The following NDUFA11 variants were observed in gnomAD, a reference collection of about 807,000 sequenced individuals.
NDUFA11 encodes NADH dehydrogenase [ubiquinone] 1 alpha subcomplex subunit 11.
Under a neutral mutation model 11.3 loss-of-function variants are expected in NDUFA11, and 14 were observed. The ratio of observed to expected loss-of-function variants is 1.24; its 90% CI spans 0.82 to 1.94. NDUFA11 has a LOEUF of 1.94. Ranked by LOEUF, NDUFA11 falls within the 30% of genes most tolerant of loss-of-function variation. The probability of loss-of-function intolerance (pLI) is 0.00; values close to 1 mark genes in which losing one functional copy is unlikely to be tolerated. For missense variants in NDUFA11, 204 were observed against 200.3 expected (o/e 1.02, Z -0.11); for synonymous variants, 87 against 85.6 (o/e 1.02, Z -0.09).
At chr19:5,901,812 G>A (rs1267446826) in intron 1 of NDUFA11, among the ~76,000 whole-genome samples, 2 of 151,664 alleles carry the variant, frequency 1.3e-5, no homozygotes, top group Admixed American at 1.3e-4. Flanking sequence ...TGGGACTACA[G>A]GTGTCCACCA....
chr19:5,894,621 A>G (rs1360504259), downstream of NDUFA11: 1 of 1,537,330 alleles, frequency 6.5e-7, no homozygotes, highest in East Asian at 2.4e-5. Context: ...TCCCTCCCAG[A>G]TCCGCCCTCA....
chr19:5,901,326 G>A (rs772828892), intron 1 of NDUFA11: 31 of 1,281,814 alleles, frequency 2.4e-5, no homozygotes, highest in South Asian at 2.1e-4. Context: ...GAAGACCCTC[G>A]ATAAGGACCT....
chr19:5,900,618 T>G (rs2144958654), intron 1 of NDUFA11, among the ~76,000 whole-genome samples: 1 of 152,250 alleles, frequency 6.6e-6, no homozygotes, highest in Middle Eastern at 3.4e-3. Context: ...AGCTGGTCAC[T>G]GAAGAATTTA....
intron 1 of NDUFA11, among the ~76,000 whole-genome samples, chr19:5,902,188 G>T (rs538798570): frequency 7.9e-4 from 120 of 151,982 alleles, no homozygotes; most frequent in African/African-American, 2.6e-3. Flanking sequence ...TGTTAGCCAG[G>T]ATGGTCTCAA....
rs188584533 is a variant in NDUFA11 at position 5,901,846 on chromosome 19, T to G, written c.97+1766A>C. Among the ~76,000 whole-genome samples the G allele has an allele frequency of 4.6e-3, 703 of 151,902 alleles. 6 individuals are homozygous for G. Among genetic ancestry groups the G allele is most frequent in the Non-Finnish European group, 8.8e-3 (601 of 67,956 alleles). On this transcript the variant is annotated intron_variant, in intron 1 of 3. Coordinates refer to ENST00000308961, the MANE Select transcript of NDUFA11 (RefSeq NM_175614.5). ...CACCACGCCCGGCTAATTTTTTTTGTATTTTTAGTAGAGACGGGTTTTCAC... is the reference window on the plus strand; with the variant it reads ...CACCACGCCCGGCTAATTTTTTTTGGATTTTTAGTAGAGACGGGTTTTCAC...
downstream of NDUFA11, chr19:5,892,825 G>A (rs2057585745): frequency 2.9e-6 from 4 of 1,361,576 alleles, no homozygotes; most frequent in South Asian, 7.7e-5. Flanking sequence ...TTTCTTTGTG[G>A]GGCATCTCTG....
downstream of NDUFA11, chr19:5,891,683 T>A (rs575949492): frequency 6.6e-6 from 1 of 152,486 alleles, no homozygotes. Flanking sequence ...GATCGCCCAC[T>A]GCTCTCCCTC....
In NDUFA11 at chr19:5,896,967, A is replaced by C; in HGVS notation, c.128T>G (p.Leu43Arg). 6.2e-7 allele frequency: 1 copy of C among 1,614,098 alleles called. No homozygotes were observed. Among genetic ancestry groups the C allele is most frequent in the Non-Finnish European group, 8.5e-7 (1 of 1,180,022 alleles). Residue 43 changes from leucine to arginine, a missense_variant, in exon 2 of 4, where the codon CTC (leucine) becomes CGC (arginine). By Grantham distance (102) the Leu-to-Arg change is moderately radical. Transcript: ENST00000308961. The surrounding 1 kb of genome is among the most constrained non-coding windows in gnomAD (Gnocchi z 5.8). Reference sequence around the variant, plus strand: ...TTCAAGGAAGGTGCCCGGAGGATTGAGTGTGACTCTGTAGGCAGCGGCGGT... The same window carrying C: ...TTCAAGGAAGGTGCCCGGAGGATTGCGTGTGACTCTGTAGGCAGCGGCGGT... ...GLTAAAYRVT[L>R]NPPGTFLEGV...
Position 5,895,982 on chromosome 19 carries a change from T to A in NDUFA11, c.313+471A>T, listed in dbSNP as rs143044664. 1.4e-3 allele frequency: 333 copies of A among 234,044 alleles called. 6 individuals are homozygous for A. In the East Asian group the frequency reaches 0.026, roughly 18 times the overall value. 14.5% of individuals were successfully genotyped at this position (234,044 alleles called of 1,614,324 possible). A position where few individuals can be genotyped will look rare whatever the true frequency, so the allele number is the denominator to read the frequency against. On this transcript the variant is annotated intron_variant, in intron 3 of 3. Coordinates refer to ENST00000308961, the MANE Select transcript of NDUFA11 (RefSeq NM_175614.5). The stretch of plus-strand genomic sequence containing the variant: ...TGGCAGGGCGAGACTCCATCCATCC[T>A]CCTCTCTGACTCACAGGCCAGTGGC...
chr19:5,894,444 G>A (rs543139416), downstream of NDUFA11, among the ~76,000 whole-genome samples: 1 of 152,288 alleles, frequency 6.6e-6, no homozygotes, highest in East Asian at 1.9e-4. Context: ...GGGAACTGGG[G>A]GAAGCAGAGG....
In NDUFA11 at chr19:5,896,645, C is replaced by T. The variant is rs537928502; in HGVS notation, c.191-70G>A. The T allele has an allele frequency of 6.5e-7, 1 of 1,548,574 alleles. No individual in the cohort carries two copies. Among genetic ancestry groups the T allele is most frequent in the South Asian group, 1.2e-5 (1 of 84,290 alleles). ...CAGGAGCCTCTTGGGCGCTCACTGC[C>T]AGTGTCTGGATGGAGAGAGATGCCA... On this transcript the variant is annotated intron_variant, in intron 2 of 3. Transcript: ENST00000308961. This position sits in a 1 kb window ranked among gnomAD's most constrained non-coding sequence, Gnocchi z 5.8.
chr19:5,894,553 A>ACGGCAGG (rs1237540383), downstream of NDUFA11: 1 of 1,223,174 alleles, frequency 8.2e-7, no homozygotes, highest in Non-Finnish European at 1.1e-6. Flanking sequence ...CTTGGCAGGG[A>ACGGCAGG]CGGCAGGCGG....
chr19:5,897,455 C>A (rs1183936894), intron 1 of NDUFA11, among the ~76,000 whole-genome samples: 1 of 152,180 alleles, frequency 6.6e-6, no homozygotes, highest in Admixed American at 6.5e-5. Context: ...AGGTTCCCAT[C>A]AATGGCTCTA....
Position 5,896,117 on chromosome 19 carries a change from G to C in NDUFA11, c.313+336C>G. ...GCTGGCTTGTACACAGGGTGGTCAG[G>C]ACAGTGAGGGGAACAGCATTCCACG... On this transcript the variant is annotated intron_variant, in intron 3 of 3. Transcript: ENST00000308961. The surrounding 1 kb of genome is among the most constrained non-coding windows in gnomAD (Gnocchi z 5.8). 1 of 555,012 alleles carries C rather than the reference G, an allele frequency of 1.8e-6. No individual in the cohort carries two copies. The highest frequency in any genetic ancestry group is 4.7e-4 in the Middle Eastern group (1 of 2,120). 34.4% of individuals were successfully genotyped at this position (555,012 alleles called of 1,614,324 possible).
At position 5,894,845 on chromosome 19, in the gene NDUFA11, T is replaced by A. The variant is rs770353684; in HGVS notation, c.323A>T (p.Tyr108Phe). 3.1e-6 allele frequency: 5 copies of A among 1,607,350 alleles called. No homozygotes were observed. The highest frequency in any genetic ancestry group is 3.4e-6 in the Non-Finnish European group (4 of 1,176,994). Residue 108 changes from tyrosine to phenylalanine, a missense_variant, in exon 4 of 4, where the codon TAC (tyrosine) becomes TTC (phenylalanine). Tyr to Phe is a conservative substitution (Grantham distance 22). Transcript: ENST00000308961. ...CACGCAGGCGGCGGCGCCAATCCCG[T>A]AGTTGTGCGCTGTGGGAGTGGGGAG... is the stretch of plus-strand genomic sequence containing the variant. ...GLTLGARTHN[Y>F]GIGAAACVYF... is the part of the protein sequence containing the mutation.
rs560780638 is a variant in NDUFA11, at chr19:5,896,897, G to T, written c.190+8C>A. ...AGGGCCCAGCCATGCCCAGCCCAGC[G>T]TGCTCACCTGCAGTGAACGTGTATT... On this transcript the variant is annotated splice_region_variant and intron_variant, in intron 2 of 3. Coordinates refer to ENST00000308961, the MANE Select transcript of NDUFA11 (RefSeq NM_175614.5). This position sits in a 1 kb window ranked among gnomAD's most constrained non-coding sequence, Gnocchi z 5.8. 1 of 1,610,702 alleles carries T rather than the reference G, an allele frequency of 6.2e-7. No individual in the cohort carries two copies. The highest frequency in any genetic ancestry group is 1.7e-5 in the Admixed American group (1 of 60,018).
chr19:5,899,430 G>A (rs530310208), intron 1 of NDUFA11, among the ~76,000 whole-genome samples: 3 of 144,486 alleles, frequency 2.1e-5, no homozygotes, highest in Non-Finnish European at 4.5e-5. Flanking sequence ...GATTACAGGC[G>A]TGAGCCACCG....
At chr19:5,893,189 G>T (rs770773923), downstream of NDUFA11, 1 of 1,536,068 alleles carries the variant, frequency 6.5e-7, no homozygotes, top group Non-Finnish European at 8.7e-7. This position sits in a 1 kb window ranked among gnomAD's most constrained non-coding sequence, Gnocchi z 4.1. Context: ...TGTACACAGT[G>T]GCTCATGCCT....
chr19:5,897,811 G>T (rs758140190), intron 1 of NDUFA11, among the ~76,000 whole-genome samples: 3 of 152,234 alleles, frequency 2.0e-5, no homozygotes, highest in African/African-American at 7.2e-5. Flanking sequence ...GGGTGCCTAG[G>T]GGCGTCCTGA....
Sources: allele counts gnomAD v4.1 joint callset (sites outside exome capture counted in the v4.1 genomes callset), GRCh38; gene constraint gnomAD v4.1.1; non-coding constraint Gnocchi (gnomAD v3.1); transcripts MANE v1.5; gene names NCBI Gene and HGNC (gene_info 2026-07-23, HGNC 2026-07-21).